SLC8A1: variants seen among roughly 807,000 people sequenced by gnomAD.
SLC8A1 encodes the protein solute carrier family 8 member A1, also known as sodium/calcium exchanger 1.
A neutral mutation model predicts 68.3 loss-of-function variants in SLC8A1; 18 were observed. The ratio of observed to expected loss-of-function variants is 0.26; its 90% CI spans 0.18 to 0.39. The LOEUF (loss-of-function observed/expected upper bound fraction) is 0.39, where lower values mean the gene tolerates loss of function less well. Among genes scored for constraint, SLC8A1 ranks in the 10% least tolerant of loss-of-function variants. SLC8A1 has a pLI of 1.00. For synonymous variants in SLC8A1, 475 were observed against 415.5 expected, an observed-to-expected ratio of 1.14 and a Z score of -1.74; for missense variants, 985 against 1,156.7, an observed-to-expected ratio of 0.85 and a Z score of 2.15.
At chr2:40,429,148 A>G in exon 2 of SLC8A1, 1 of 1,613,074 alleles carries the variant, frequency 6.2e-7, no homozygotes, top group South Asian at 1.1e-5. Context: ...CCTCTTTAAA[A>G]TGTTGCCAGC....
rs180731230 is a variant in SLC8A1, at chr2:40,359,725, T to C, written c.1808+68748A>G. Among the ~76,000 whole-genome samples the C allele has an allele frequency of 2.3e-3, 357 of 152,136 alleles. 1 individual carries two copies. Among genetic ancestry groups the C allele is most frequent in the Middle Eastern group, 0.017 (5 of 294 alleles). ...AGAAATCATGTTGGGAAAACAAAGA[T>C]ACAGAGTATATGGAAATATACAATT... On this transcript the variant is annotated intron_variant, in intron 2 of 7. Coordinates refer to ENST00000406785, the Ensembl canonical transcript of SLC8A1.
intron 2 of SLC8A1, among the ~76,000 whole-genome samples, chr2:40,258,567 C>A (rs1426767657): frequency 6.6e-6 from 1 of 151,986 alleles, no homozygotes; most frequent in African/African-American, 2.4e-5. Context: ...TGGCCGGGCA[C>A]TGGTGGCTCA....
intron 2 of SLC8A1, among the ~76,000 whole-genome samples, chr2:40,334,770 G>A (rs1434978142): frequency 6.6e-6 from 1 of 152,138 alleles, no homozygotes; most frequent in Non-Finnish European, 1.5e-5. Flanking sequence ...GCAAAGCAAA[G>A]AGAAATCTAA....
intron 2 of SLC8A1, among the ~76,000 whole-genome samples, chr2:40,382,670 A>AAATTG (rs1420314276): frequency 6.6e-6 from 1 of 151,302 alleles, no homozygotes; most frequent in African/African-American, 2.4e-5. Context: ...ATCTAAACTG[A>AAATTG]AAATCGTATA....
chr2:40,498,435 G>C (rs146263586), intron 1 of SLC8A1, among the ~76,000 whole-genome samples: 3 of 152,162 alleles, frequency 2.0e-5, no homozygotes, highest in Non-Finnish European at 2.9e-5. Context: ...GGAACCACAA[G>C]ATTGCAAGTA....
At chr2:40,307,172 A>ACACACAC in intron 2 of SLC8A1, among the ~76,000 whole-genome samples, 1 of 94,616 alleles carries the variant, frequency 1.1e-5, no homozygotes, top group East Asian at 4.2e-4. Flanking sequence ...CACACACACA[A>ACACACAC]ACACATACAC....
intron 2 of SLC8A1, among the ~76,000 whole-genome samples, chr2:40,373,994 T>A (rs1325412935): frequency 6.6e-6 from 1 of 152,110 alleles, no homozygotes; most frequent in Non-Finnish European, 1.5e-5. Context: ...AGAAGAGGTA[T>A]CAGATACACT....
intron 4 of SLC8A1, among the ~76,000 whole-genome samples, chr2:40,166,455 C>A (rs1232296932): frequency 6.6e-6 from 1 of 152,160 alleles, no homozygotes; most frequent in African/African-American, 2.4e-5. Context: ...GATTACAGGG[C>A]ACCAAATAAA....
intron 7 of SLC8A1, among the ~76,000 whole-genome samples, chr2:40,116,343 A>G (rs1282122906): frequency 6.6e-6 from 1 of 152,158 alleles, no homozygotes; most frequent in African/African-American, 2.4e-5. Flanking sequence ...TTTAAGTTTT[A>G]GGGTACATGT....
chr2:40,139,498 A>G (rs773589237), exon 7 of SLC8A1: 17 of 1,614,190 alleles, frequency 1.1e-5, no homozygotes, highest in Non-Finnish European at 6.8e-6. Context: ...CTCCAATGAA[A>G]GCTGTCAGTA....
chr2:40,319,373 A>G (rs1193655074), intron 2 of SLC8A1, among the ~76,000 whole-genome samples: 1 of 152,068 alleles, frequency 6.6e-6, no homozygotes, highest in Non-Finnish European at 1.5e-5. Context: ...TGCCTCACTT[A>G]ATATCATCAG....
intron 1 of SLC8A1, among the ~76,000 whole-genome samples, chr2:40,486,089 G>C (rs191459570): frequency 8.5e-4 from 130 of 152,290 alleles, no homozygotes; most frequent in Non-Finnish European, 1.4e-3. Flanking sequence ...TAGTGAGTGA[G>C]TTCTCATGAG....
intron 2 of SLC8A1, among the ~76,000 whole-genome samples, chr2:40,240,680 T>C (rs2061098961): frequency 6.6e-6 from 1 of 152,222 alleles, no homozygotes; most frequent in African/African-American, 2.4e-5. Context: ...TCCATAAATA[T>C]TTCTTGAGCA....
At chr2:40,149,091 A>G (rs540128296) in intron 6 of SLC8A1, among the ~76,000 whole-genome samples, 7 of 152,270 alleles carry the variant, frequency 4.6e-5, no homozygotes, top group African/African-American at 1.7e-4. Flanking sequence ...TGCATATTCT[A>G]TTAAGTCTGT....
intron 2 of SLC8A1, among the ~76,000 whole-genome samples, chr2:40,223,166 C>G (rs1320116613): frequency 6.6e-6 from 1 of 152,142 alleles, no homozygotes; most frequent in East Asian, 1.9e-4. Flanking sequence ...CACATATACA[C>G]CATGGAATAC....
intron 2 of SLC8A1, among the ~76,000 whole-genome samples, chr2:40,232,421 T>TC (rs2059774791): frequency 6.6e-6 from 1 of 151,284 alleles, no homozygotes; most frequent in Non-Finnish European, 1.5e-5. Flanking sequence ...AGTTTTTTTT[T>TC]CAAGGGATAG....
At chr2:40,305,647 A>T (rs949316971) in intron 2 of SLC8A1, among the ~76,000 whole-genome samples, 1 of 152,198 alleles carries the variant, frequency 6.6e-6, no homozygotes, top group Non-Finnish European at 1.5e-5. Context: ...CACACTTCCT[A>T]TAACAGTTTA....
intron 2 of SLC8A1, among the ~76,000 whole-genome samples, chr2:40,386,262 T>G (rs1041210401): frequency 2.0e-5 from 3 of 151,370 alleles, no homozygotes; most frequent in Admixed American, 6.6e-5. Flanking sequence ...TATTATTTTA[T>G]TTTAGTTTAG....
chr2:40,127,545 C>T (rs1192148556), intron 7 of SLC8A1, among the ~76,000 whole-genome samples: 3 of 152,106 alleles, frequency 2.0e-5, no homozygotes, highest in Non-Finnish European at 4.4e-5. Context: ...TTGTGGTTAC[C>T]TGCTTTTTTG....
Sources: gnomAD v4.1 joint callset for allele counts (sites outside exome capture counted in the v4.1 genomes callset) on GRCh38, gnomAD v4.1.1 for gene constraint, MANE v1.5 for transcripts, NCBI Gene and HGNC (gene_info 2026-07-23, HGNC 2026-07-21) for gene names.